CCDC107: variants seen among roughly 807,000 people sequenced by gnomAD.
The protein encoded by CCDC107 is coiled-coil domain-containing protein 107.
A neutral mutation model predicts 17.9 loss-of-function variants in CCDC107; 17 were observed. The observed-to-expected ratio is 0.95, with a 90% CI of 0.65 to 1.42. The LOEUF (loss-of-function observed/expected upper bound fraction) is 1.42, where lower values mean the gene tolerates loss of function less well. Among genes scored for constraint, CCDC107 ranks in the 40% most tolerant of loss-of-function variants. CCDC107 has a pLI of 0.00. For synonymous variants in CCDC107, 170 were observed against 157.2 expected (o/e 1.08, Z -0.61); for missense variants, 388 against 360.1 (o/e 1.08, Z -0.63).
chr9:35,658,357 A>C lies in CCDC107; in HGVS notation c.-23A>C, dbSNP rs1823678392. ...GGACCGCTTCGGCACCGCCCGCCCG[A>C]TCCCTCCACCCGTGGGCCGGCAATG... On this transcript the variant is annotated 5_prime_UTR_variant, in exon 1 of 5. Coordinates refer to ENST00000426546, the MANE Select transcript of CCDC107 (RefSeq NM_174923.3). The C allele has an allele frequency of 2.2e-6, 3 of 1,360,434 alleles. No homozygotes were observed. The highest frequency in any genetic ancestry group is 3.4e-5 in the Admixed American group (1 of 28,988). 84.3% of individuals were successfully genotyped at this position (1,360,434 alleles called of 1,614,324 possible). A position where few individuals can be genotyped will look rare whatever the true frequency, so the allele number is the denominator to read the frequency against.
intron 2 of CCDC107, chr9:35,659,747 C>G (rs1890593): frequency 0.2 from 30,093 of 152,180 alleles, 4,170 homozygotes; most frequent in African/African-American, 0.4. Context: ...GGGCTGTCAC[C>G]TTGAGGAGAC....
rs749430166 is a variant in CCDC107 at position 35,661,185 on chromosome 9, T to C, written c.850T>C (p.Ter284ArgextTer21). ...TCGACTAAAACAAAGTCTGTTTTCA[T>C]GATGGAGTGCTCCTGTGTGTTTTTT... is the stretch of plus-strand genomic sequence containing the variant. ...EGRLKQSLFS[*>R] Residue 284 changes from the stop codon to arginine (R), a stop_lost, in exon 5 of 5, where the codon TGA (stop) becomes CGA (arginine). Transcript: ENST00000426546. The C allele has an allele frequency of 1.9e-6, 3 of 1,590,508 alleles. No homozygotes were observed. The highest frequency in any genetic ancestry group is 3.4e-5 in the Admixed American group (2 of 58,376).
chr9:35,660,757 T>TG lies in CCDC107; in HGVS notation c.424dup (p.Ala142GlyfsTer22). ...GGACATTTCTTCAGTGTGACTACTCTGGCTGGAGCCCAGCAGGAGCTTCTG... is the reference window on the plus strand; with the variant it reads ...GGACATTTCTTCAGTGTGACTACTCTGGGCTGGAGCCCAGCAGGAGCTTCTG... On this transcript the variant is annotated frameshift_variant, in exon 5 of 5. Coordinates refer to ENST00000426546, the MANE Select transcript of CCDC107 (RefSeq NM_174923.3). LOFTEE classifies it low-confidence loss of function (END_TRUNC). 1.2e-6 allele frequency: 2 copies of TG among 1,613,920 alleles called. No individual in the cohort carries two copies. The highest frequency in any genetic ancestry group is 1.7e-6 in the Non-Finnish European group (2 of 1,179,832).
In CCDC107 at chr9:35,661,375, TGCCCGCGTTCAGG is replaced by T. The variant is rs1048821534; in HGVS notation, c.*193_*205del. The T allele has an allele frequency of 4.6e-5, 23 of 497,142 alleles. No homozygotes were observed. Among genetic ancestry groups the T allele is most frequent in the Non-Finnish European group, 7.0e-5 (20 of 284,176 alleles). 30.8% of individuals were successfully genotyped at this position (497,142 alleles called of 1,614,324 possible). A position where few individuals can be genotyped will look rare whatever the true frequency, so the allele number is the denominator to read the frequency against. ...CCTCGTATTCCTGAGGCCACCAGCA[TGCCCGCGTTCAGG>T]GCCCAAAAATCCCTTTTCTCATAGC... On this transcript the variant is annotated 3_prime_UTR_variant, in exon 5 of 5. Transcript: ENST00000426546.
chr9:35,658,399 T>C lies in CCDC107; in HGVS notation c.20T>C (p.Leu7Pro), dbSNP rs1385371080. 4 of 1,421,794 alleles carry C rather than the reference T, an allele frequency of 2.8e-6. No individual in the cohort carries two copies. The highest frequency in any genetic ancestry group is 3.7e-6 in the Non-Finnish European group (4 of 1,085,706). The allele number at this position is 1,421,794 out of a possible 1,614,324, so 88.1% of individuals were successfully genotyped here. A position where few individuals can be genotyped will look rare whatever the true frequency, so the allele number is the denominator to read the frequency against. Residue 7 changes from leucine to proline, a missense_variant, in exon 1 of 5, where the codon CTC becomes CCC. By Grantham distance (98) the Leu-to-Pro change is moderately conservative. Transcript: ENST00000426546. MAGAVS[L>P]LGVVGLLLVS... ...CCGGCAATGGCGGGCGCAGTTTCGC[T>C]CTTGGGTGTGGTGGGGCTGCTGCTT...
rs1823889628 is a variant in CCDC107 at position 35,660,814 on chromosome 9, TG to T, written c.480del (p.Gln161LysfsTer36). 1 of 1,614,038 alleles carries T rather than the reference TG, an allele frequency of 6.2e-7. No homozygotes were observed. The highest frequency in any genetic ancestry group is 8.5e-7 in the Non-Finnish European group (1 of 1,180,048). Reference protein sequence around the residue: ...NMKLWTIHELLQDSKPDKDME... With the variant: ...NMKLWTIHELXQDSKPDKDME... ...AAGCTATGGACCATCCACGAGCTGC[TG>T]CAAGATAGCAAGCCGGACAAGGATA... On this transcript the variant is annotated frameshift_variant, in exon 5 of 5. Transcript: ENST00000426546. LOFTEE classifies it low-confidence loss of function (END_TRUNC).
In CCDC107 at chr9:35,661,161, C is replaced by T; in HGVS notation, c.826C>T (p.Arg276Ter). ...GGAAGGAGGGACGACAGCTGAAGGTCGACTAAAACAAAGTCTGTTTTCATG... is the reference window on the plus strand; with the variant it reads ...GGAAGGAGGGACGACAGCTGAAGGTTGACTAAAACAAAGTCTGTTTTCATG... ...GWEGGTTAEG[R>*]LKQSLFS is the part of the protein sequence containing the mutation. The change falls in exon 5 of 5, where the codon CGA becomes TGA. Residue 276 changes from arginine to a stop codon, truncating the protein, a stop_gained. Transcript: ENST00000426546. LOFTEE classifies it high-confidence loss of function. 5 of 1,604,036 alleles carry T rather than the reference C, an allele frequency of 3.1e-6. No individual in the cohort carries two copies. The highest frequency in any genetic ancestry group is 1.7e-5 in the Admixed American group (1 of 59,016).
At chr9:35,658,925 A>T (rs1823732924) in intron 2 of CCDC107, 198 bp downstream of exon 2, 1 of 445,258 alleles carries the variant, frequency 2.2e-6, no homozygotes, top group Non-Finnish European at 4.0e-6. Context: ...GAGGTAACGG[A>T]TGTGAAGAGC....
rs1401550952 is a variant in CCDC107, at chr9:35,658,414, G to A, written c.35G>A (p.Gly12Glu). The change falls in exon 1 of 5, where the codon GGG (glycine) becomes GAG (glutamate). Residue 12 changes from glycine to glutamate, a missense_variant. Transcript: ENST00000426546. ...GCAGTTTCGCTCTTGGGTGTGGTGG[G>A]GCTGCTGCTTGTGTCTGCGCTGTCC... ...AGAVSLLGVV[G>E]LLLVSALSGV... is the part of the protein sequence containing the mutation. 11 of 1,447,148 alleles carry A rather than the reference G, an allele frequency of 7.6e-6. No homozygotes were observed. The East Asian group carries it at 2.4e-4, about 31-fold the overall frequency. The allele number at this position is 1,447,148 out of a possible 1,614,324, so 89.6% of individuals were successfully genotyped here.
chr9:35,660,214 G>A (rs908853662), intron 2 of CCDC107, 187 bp from the exon 3 acceptor site: 6 of 552,896 alleles, frequency 1.1e-5, no homozygotes, highest in African/African-American at 1.9e-5. Flanking sequence ...GACCATGTGT[G>A]GGACATAGGA....
At position 35,658,295 on chromosome 9, in the gene CCDC107, C is replaced by G. The variant is rs981606599; in HGVS notation, c.-85C>G. On this transcript the variant is annotated 5_prime_UTR_variant, in exon 1 of 5. Coordinates refer to ENST00000426546, the MANE Select transcript of CCDC107 (RefSeq NM_174923.3). Reference sequence around the variant, plus strand: ...CCTCCCCGGAGCCGGCCGGCCTGCTCGCGTGCGCGTGCGCGTTGGGGCGGC... The same window carrying G: ...CCTCCCCGGAGCCGGCCGGCCTGCTGGCGTGCGCGTGCGCGTTGGGGCGGC... 2 of 1,163,984 alleles carry G rather than the reference C, an allele frequency of 1.7e-6. No individual in the cohort carries two copies. The highest frequency in any genetic ancestry group is 3.2e-5 in the African/African-American group (2 of 62,062). 72.1% of individuals were successfully genotyped at this position (1,163,984 alleles called of 1,614,324 possible).
Position 35,661,098 on chromosome 9 carries a change from CAGGCTGTGGCAAAGGGCCCCAGTCA to C in CCDC107, c.764_788del (p.Gln255ProfsTer15), listed in dbSNP as rs1563913399. The C allele has an allele frequency of 2.5e-6, 4 of 1,614,116 alleles. No individual in the cohort carries two copies. Among genetic ancestry groups the C allele is most frequent in the Non-Finnish European group, 3.4e-6 (4 of 1,180,006 alleles). ...GCGGGGACTACGGAGAAGGTGCAGC[CAGGCTGTGGCAAAGGGCCCCAGTCA>C]CAGCCTTGGCTGGGAAGGAGGGACG... On this transcript the variant is annotated frameshift_variant, in exon 5 of 5. Coordinates refer to ENST00000426546, the MANE Select transcript of CCDC107 (RefSeq NM_174923.3). LOFTEE classifies it low-confidence loss of function (END_TRUNC).
At chr9:35,658,507 G>A in intron 1 of CCDC107, 22 bp downstream of exon 1, 1 of 1,487,870 alleles carries the variant, frequency 6.7e-7, no homozygotes, top group Non-Finnish European at 8.9e-7. Flanking sequence ...GGCTGCTGGA[G>A]GAGGGCTGGG....
chr9:35,660,500 T>C, intron 3 of CCDC107, 39 bp downstream of exon 3: 1 of 1,613,320 alleles, frequency 6.2e-7, no homozygotes, highest in Non-Finnish European at 8.5e-7. Flanking sequence ...CGGGGGAGTT[T>C]AGGGGACAGC....
Position 35,661,248 on chromosome 9 carries a change from T to G in CCDC107, c.*61T>G. 1.7e-6 allele frequency: 2 copies of G among 1,211,338 alleles called. No homozygotes were observed. The highest frequency in any genetic ancestry group is 2.9e-5 in the South Asian group (2 of 67,940). The allele number at this position is 1,211,338 out of a possible 1,614,324, so 75.0% of individuals were successfully genotyped here. On this transcript the variant is annotated 3_prime_UTR_variant, in exon 5 of 5. Transcript: ENST00000426546. ...GTTGTACACACCCATACTAGGTGCCTAAGGACAACTGGGCCTTCTTGAAGA... is the reference window on the plus strand; with the variant it reads ...GTTGTACACACCCATACTAGGTGCCGAAGGACAACTGGGCCTTCTTGAAGA...
rs368175461 is a variant in CCDC107, at chr9:35,661,328, T to C, written c.*141T>C. 9.5e-5 allele frequency: 57 copies of C among 602,342 alleles called. No homozygotes were observed. The highest frequency in any genetic ancestry group is 2.7e-4 in the Admixed American group (8 of 29,784). The allele number at this position is 602,342 out of a possible 1,614,324, so 37.3% of individuals were successfully genotyped here. On this transcript the variant is annotated 3_prime_UTR_variant, in exon 5 of 5. Coordinates refer to ENST00000426546, the MANE Select transcript of CCDC107 (RefSeq NM_174923.3). ...CCTTCCAGTGTGACAGCAGAGAAGA[T>C]AGAGGGAGCTCCAGCTCTTTTCCTC...
Position 35,658,708 on chromosome 9 carries a change from T to A in CCDC107, c.239T>A (p.Val80Glu), listed in dbSNP as rs1186422751. The A allele has an allele frequency of 6.4e-7, 1 of 1,561,320 alleles. No homozygotes were observed. Among genetic ancestry groups the A allele is most frequent in the South Asian group, 1.1e-5 (1 of 87,766 alleles). ...ALYTAAVAAFVLYKCLQGKDE... is the reference protein window; with the variant it reads ...ALYTAAVAAFELYKCLQGKDE... Reference sequence around the variant, plus strand: ...TACACCGCGGCCGTCGCGGCTTTTGTGCTGTACAAGTGTTTGCAGGTACGG... The same window carrying A: ...TACACCGCGGCCGTCGCGGCTTTTGAGCTGTACAAGTGTTTGCAGGTACGG... Residue 80 changes from valine to glutamate, a missense_variant, in exon 2 of 5, where the codon GTG (valine) becomes GAG (glutamate). Transcript: ENST00000426546.
In CCDC107 at chr9:35,658,317, C is replaced by A. The variant is rs1409717758; in HGVS notation, c.-63C>A. ...GCTCGCGTGCGCGTGCGCGTTGGGG[C>A]GGCCGGCCAATGCCGGACCGCTTCG... On this transcript the variant is annotated 5_prime_UTR_variant, in exon 1 of 5. Coordinates refer to ENST00000426546, the MANE Select transcript of CCDC107 (RefSeq NM_174923.3). 1.3e-5 allele frequency: 17 copies of A among 1,273,246 alleles called. No individual in the cohort carries two copies. The highest frequency in any genetic ancestry group is 1.7e-5 in the Non-Finnish European group (17 of 1,002,580). 78.9% of individuals were successfully genotyped at this position (1,273,246 alleles called of 1,614,324 possible).
At position 35,660,660 on chromosome 9, in the gene CCDC107, A is replaced by G; in HGVS notation, c.410+13A>G. 1 of 1,614,152 alleles carries G rather than the reference A, an allele frequency of 6.2e-7. No homozygotes were observed. Among genetic ancestry groups the G allele is most frequent in the Non-Finnish European group, 8.5e-7 (1 of 1,179,994 alleles). Reference sequence around the variant, plus strand: ...CCCTTTTTGAGCGGTGAGGAGAGCAATGATTCTGTGAATTTTTGGGGAATT... The same window carrying G: ...CCCTTTTTGAGCGGTGAGGAGAGCAGTGATTCTGTGAATTTTTGGGGAATT... On this transcript the variant is annotated intron_variant, in intron 4 of 4. Coordinates refer to ENST00000426546, the MANE Select transcript of CCDC107 (RefSeq NM_174923.3).
Sources: gnomAD v4.1 joint callset for allele counts on GRCh38, gnomAD v4.1.1 for gene constraint, MANE v1.5 for transcripts, NCBI Gene and HGNC (gene_info 2026-07-23, HGNC 2026-07-21) for gene names.